Variants in SUMF1 observed in about 807,000 individuals in gnomAD.
The protein encoded by SUMF1 is sulfatase modifying factor 1.
In SUMF1, 48 loss-of-function variants were observed where a neutral mutation model predicts 47.6. The observed-to-expected ratio is 1.01, with a 90% CI of 0.80 to 1.28. The LOEUF (loss-of-function observed/expected upper bound fraction) is 1.28. Among genes scored for constraint, SUMF1 ranks in the 50% most tolerant of loss-of-function variants. The pLI, the probability that SUMF1 is intolerant of heterozygous loss-of-function variation, is 0.00. For synonymous variants in SUMF1, 230 were observed against 192.1 expected (o/e 1.20, Z -1.63); for missense variants, 571 against 485.4 (o/e 1.18, Z -1.66).
At chr3:4,134,786 G>C (rs543659258) in intron 8 of SUMF1, among the ~76,000 whole-genome samples, 1 of 152,060 alleles carries the variant, frequency 6.6e-6, no homozygotes, top group South Asian at 2.1e-4. Flanking sequence ...ATGATAAAGG[G>C]GGTATCACCA....
chr3:4,252,243 G>T (rs1339239949), intron 8 of SUMF1, among the ~76,000 whole-genome samples: 1 of 152,018 alleles, frequency 6.6e-6, no homozygotes, highest in Non-Finnish European at 1.5e-5. Context: ...TCTTCTCCAT[G>T]AGCTACATAA....
At chr3:4,095,676 C>T (rs1214382866) in intron 8 of SUMF1, among the ~76,000 whole-genome samples, 1 of 152,060 alleles carries the variant, frequency 6.6e-6, no homozygotes, top group Admixed American at 6.6e-5. Flanking sequence ...AATTCATATT[C>T]CTGACTGCCT....
At chr3:4,157,769 G>T (rs73809334) in intron 8 of SUMF1, among the ~76,000 whole-genome samples, 1 of 151,416 alleles carries the variant, frequency 6.6e-6, no homozygotes, top group African/African-American at 2.5e-5. Flanking sequence ...AGACAGACAG[G>T]CATCTATTAG....
intron 8 of SUMF1, among the ~76,000 whole-genome samples, chr3:4,197,495 T>C (rs1402239712): frequency 6.6e-6 from 1 of 151,962 alleles, no homozygotes; most frequent in Non-Finnish European, 1.5e-5. Context: ...GAAGAAATAG[T>C]CTAAGGAAAG....
chr3:4,067,575 G>C (rs1695406557), intron 9 of SUMF1, among the ~76,000 whole-genome samples: 1 of 152,180 alleles, frequency 6.6e-6, no homozygotes, highest in African/African-American at 2.4e-5. Context: ...TTCTGTACAG[G>C]AGGCAATTGA....
At chr3:4,257,582 C>T (rs1254904113) in intron 8 of SUMF1, among the ~76,000 whole-genome samples, 2 of 150,390 alleles carry the variant, frequency 1.3e-5, no homozygotes, top group Non-Finnish European at 3.0e-5. Flanking sequence ...TCAAGGAGAA[C>T]TACAAACCAC....
Position 4,316,454 on chromosome 3 carries a change from C to T in SUMF1, c.1014+59876G>A, listed in dbSNP as rs149611890. On this transcript the variant is annotated intron_variant and NMD_transcript_variant, in intron 8 of 12. Coordinates refer to the SUMF1 transcript ENST00000448413. ...ACAACGACCAGTTGAGAGCAATCAT[C>T]GAAGCTGATCCCCTTACAACTACAC... is the stretch of plus-strand genomic sequence containing the variant. 2.1e-3 allele frequency: 3,300 copies of T among 1,602,954 alleles called. 12 individuals carry two copies. The highest frequency in any genetic ancestry group is 7.8e-3 in the Middle Eastern group (46 of 5,874).
chr3:4,246,217 G>A (rs1449303990), intron 8 of SUMF1, among the ~76,000 whole-genome samples: 16 of 152,230 alleles, frequency 1.1e-4, no homozygotes, highest in South Asian at 6.2e-4. Context: ...TGTGCTTCCC[G>A]GGTGAGGTGA....
At chr3:4,263,399 G>T (rs1045528232) in intron 8 of SUMF1, among the ~76,000 whole-genome samples, 2 of 152,118 alleles carry the variant, frequency 1.3e-5, no homozygotes, top group Non-Finnish European at 2.9e-5. Flanking sequence ...CCAAGAAAAA[G>T]ATATTTTAAC....
At chr3:4,081,929 T>A (rs1409849471) in intron 8 of SUMF1, among the ~76,000 whole-genome samples, 1 of 152,152 alleles carries the variant, frequency 6.6e-6, no homozygotes, top group Non-Finnish European at 1.5e-5. Context: ...TTTCCATTGT[T>A]GTTGAACACA....
intron 8 of SUMF1, among the ~76,000 whole-genome samples, chr3:4,324,973 G>C (rs1698911951): frequency 6.6e-6 from 1 of 152,120 alleles, no homozygotes; most frequent in African/African-American, 2.4e-5. Context: ...TCACAATCAT[G>C]TTGAAAGGTG....
chr3:4,242,601 C>A (rs1696565468), intron 8 of SUMF1, among the ~76,000 whole-genome samples: 1 of 152,186 alleles, frequency 6.6e-6, no homozygotes, highest in Non-Finnish European at 1.5e-5. Context: ...GTTGAACCAG[C>A]TTTGCATCCC....
chr3:4,050,869 T>C (rs1695099105), intron 9 of SUMF1, among the ~76,000 whole-genome samples: 2 of 151,672 alleles, frequency 1.3e-5, no homozygotes, highest in African/African-American at 4.8e-5. Flanking sequence ...TCACTAAATA[T>C]TAGCCTTCTA....
chr3:4,249,982 G>C (rs376586515), intron 8 of SUMF1, among the ~76,000 whole-genome samples: 85 of 152,226 alleles, frequency 5.6e-4, no homozygotes, highest in African/African-American at 1.9e-3. Context: ...CCAGGAGTTT[G>C]AGACCAGCCT....
chr3:4,184,924 A>G (rs1264676262), intron 8 of SUMF1, among the ~76,000 whole-genome samples: 1 of 152,110 alleles, frequency 6.6e-6, no homozygotes, highest in African/African-American at 2.4e-5. Context: ...AGCTAGGATT[A>G]CAGGCGTGAG....
chr3:4,407,685 G>T, intron 7 of SUMF1, among the ~76,000 whole-genome samples: 1 of 152,230 alleles, frequency 6.6e-6, no homozygotes, highest in Non-Finnish European at 1.5e-5. Flanking sequence ...AACCAGACCA[G>T]ATGAGAACTA....
downstream of SUMF1, among the ~76,000 whole-genome samples, chr3:4,358,454 G>A (rs1340434866): frequency 6.6e-6 from 1 of 152,188 alleles, no homozygotes; most frequent in East Asian, 1.9e-4. Flanking sequence ...ATCTAAAGCA[G>A]AAATAGCTCA....
At chr3:4,335,963 A>AAAAAACAAAAAC (rs1184804181) in intron 8 of SUMF1, among the ~76,000 whole-genome samples, 1 of 146,222 alleles carries the variant, frequency 6.8e-6, no homozygotes, top group African/African-American at 2.5e-5. Context: ...TCCAACTCAA[A>AAAAAACAAAAAC]AAAAAAAAAA....
At chr3:4,064,601 C>G (rs1389208238) in intron 9 of SUMF1, among the ~76,000 whole-genome samples, 1 of 152,094 alleles carries the variant, frequency 6.6e-6, no homozygotes, top group Non-Finnish European at 1.5e-5. Context: ...TGGACTCACC[C>G]CAAATACTTT....
Sources: allele counts gnomAD v4.1 joint callset (sites outside exome capture counted in the v4.1 genomes callset), GRCh38; gene constraint gnomAD v4.1.1; transcripts MANE v1.5; gene names NCBI Gene and HGNC (gene_info 2026-07-23, HGNC 2026-07-21).